TMC2: variants seen among roughly 807,000 people sequenced by gnomAD.
TMC2 encodes transmembrane channel like 2.
TMC2 carries 102 observed loss-of-function variants against 105.9 expected under a neutral mutation model. The ratio of observed to expected loss-of-function variants is 0.96; its 90% CI spans 0.82 to 1.14. TMC2 has a LOEUF of 1.14. TMC2 is among the 50% of genes most tolerant of loss of function. The pLI is 0.00. For synonymous variants in TMC2, 402 were observed against 422.8 expected (o/e 0.95, Z 0.60); for missense variants, 1,093 against 1,134.3 (o/e 0.96, Z 0.52).
chr20:2,552,438 T>C (rs186384341), intron 2 of TMC2, among the ~76,000 whole-genome samples: 47 of 152,356 alleles, frequency 3.1e-4, no homozygotes, highest in Admixed American at 2.2e-3. Context: ...TTTGAGTTCT[T>C]TGAGTTCTTT....
intron 2 of TMC2, among the ~76,000 whole-genome samples, chr20:2,541,156 T>G (rs924263353): frequency 3.9e-5 from 6 of 152,224 alleles, no homozygotes; most frequent in Non-Finnish European, 8.8e-5. Context: ...CCCCTAAGTA[T>G]GTATTAAAGA....
At chr20:2,579,387 TA>T (rs2086171538) in intron 6 of TMC2, among the ~76,000 whole-genome samples, 160 bp downstream of exon 6, 6 of 126,718 alleles carry the variant, frequency 4.7e-5, no homozygotes, top group Admixed American at 7.3e-5. Context: ...ATTTATTTTT[TA>T]TTTATTTATT....
At chr20:2,573,588 T>C (rs1328063848) in intron 5 of TMC2, among the ~76,000 whole-genome samples, 2 of 142,476 alleles carry the variant, frequency 1.4e-5, no homozygotes, top group Admixed American at 7.2e-5. Flanking sequence ...TGAGACGGAG[T>C]CTCACTCTGT....
At chr20:2,545,241 G>A (rs773483819) in intron 2 of TMC2, among the ~76,000 whole-genome samples, 10 of 152,026 alleles carry the variant, frequency 6.6e-5, no homozygotes, top group Non-Finnish European at 1.2e-4. Context: ...ATAAAGGCAT[G>A]CATACATACA....
chr20:2,616,974 C>T lies in TMC2; in HGVS notation c.1941-98C>T, dbSNP rs2086487058. 1 of 1,452,830 alleles carries T rather than the reference C, an allele frequency of 6.9e-7. No homozygotes were observed. Among genetic ancestry groups the T allele is most frequent in the African/African-American group, 1.4e-5 (1 of 71,766 alleles). The allele number at this position is 1,452,830 out of a possible 1,614,324, so 90.0% of individuals were successfully genotyped here. A position where few individuals can be genotyped will look rare whatever the true frequency, so the allele number is the denominator to read the frequency against. On this transcript the variant is annotated intron_variant, in intron 15 of 19. Coordinates refer to ENST00000358864, the MANE Select transcript of TMC2 (RefSeq NM_080751.3). The surrounding 1 kb of genome is among the most constrained non-coding windows in gnomAD (Gnocchi z 4.8). ...GGACTTGCCAGGAAAGCAGCTCGGC[C>T]TCATGCCCCTAACCCATCCGTCCCA...
At chr20:2,587,544 T>G (rs1386946373) in intron 7 of TMC2, among the ~76,000 whole-genome samples, 4 of 151,744 alleles carry the variant, frequency 2.6e-5, no homozygotes, top group Non-Finnish European at 5.9e-5. Context: ...TTTTTTATTA[T>G]TCTCTTGAAG....
Position 2,642,155 on chromosome 20 carries a change from G to A in TMC2, c.*804G>A, listed in dbSNP as rs1257914345. ...CCAACACTTTAAGAGGCTGAAGTGG[G>A]AGGCCAGGGGTTTCAGATGAGCCTG... On this transcript the variant is annotated 3_prime_UTR_variant, in exon 20 of 20. Coordinates refer to ENST00000358864, the MANE Select transcript of TMC2 (RefSeq NM_080751.3). Among the ~76,000 whole-genome samples the A allele has an allele frequency of 6.6e-6, 1 of 152,208 alleles. No individual in the cohort carries two copies. Among genetic ancestry groups the A allele is most frequent in the East Asian group, 1.9e-4 (1 of 5,198 alleles).
chr20:2,575,956 C>A (rs2086141450), intron 5 of TMC2, among the ~76,000 whole-genome samples: 2 of 152,080 alleles, frequency 1.3e-5, no homozygotes, highest in South Asian at 4.2e-4. Flanking sequence ...CTTTAGAAGC[C>A]ATATTTATTG....
chr20:2,541,416 G>T (rs934716912), intron 2 of TMC2, among the ~76,000 whole-genome samples: 1 of 152,102 alleles, frequency 6.6e-6, no homozygotes, highest in Admixed American at 6.6e-5. Flanking sequence ...CGAGGCAGGC[G>T]GATTAATTAA....
intron 18 of TMC2, among the ~76,000 whole-genome samples, chr20:2,636,445 T>G (rs1484473329): frequency 6.9e-6 from 1 of 143,918 alleles, no homozygotes; most frequent in Non-Finnish European, 1.5e-5. Flanking sequence ...GACACCCTAC[T>G]TCTGACTGCT....
chr20:2,598,887 C>T (rs1287607500), intron 10 of TMC2, among the ~76,000 whole-genome samples: 1 of 151,704 alleles, frequency 6.6e-6, no homozygotes, highest in African/African-American at 2.4e-5. Context: ...AAACACAGTT[C>T]CATGAGATAA....
At chr20:2,543,478 T>C (rs2085904541) in intron 2 of TMC2, among the ~76,000 whole-genome samples, 1 of 152,172 alleles carries the variant, frequency 6.6e-6, no homozygotes, top group Non-Finnish European at 1.5e-5. Flanking sequence ...CACAACATAA[T>C]AGTCCACAAT....
chr20:2,542,229 G>A lies in TMC2; in HGVS notation c.82+4913G>A, dbSNP rs188235876. Reference sequence around the variant, plus strand: ...CTCAAGGAGGTGGTTAGAATTTGGGGCTTATATACTATCTTAGAGGTATAT... The same window carrying A: ...CTCAAGGAGGTGGTTAGAATTTGGGACTTATATACTATCTTAGAGGTATAT... On this transcript the variant is annotated intron_variant, in intron 2 of 19. Transcript: ENST00000358864. Among the ~76,000 whole-genome samples the A allele has an allele frequency of 5.1e-3, 772 of 152,282 alleles. 3 individuals are homozygous for A. Among genetic ancestry groups the A allele is most frequent in the Non-Finnish European group, 8.9e-3 (604 of 68,034 alleles).
intron 2 of TMC2, among the ~76,000 whole-genome samples, chr20:2,541,146 C>T (rs1023562520): frequency 1.3e-5 from 2 of 152,172 alleles, no homozygotes; most frequent in East Asian, 1.9e-4. Context: ...TTCAGAGTAG[C>T]CCCTAAGTAT....
chr20:2,558,547 G>A lies in TMC2; in HGVS notation c.174G>A (p.Glu58=), dbSNP rs1308119798. ...GCGGAGCTCAGCGAAGCCAGAAGGA[G>A]CGCGCCGGGGGCAGCCCAAGCCCGG... ...GRRGAQRSQK[E]RAGGSPSPGS... is the part of the protein sequence containing the mutation. The change falls in exon 3 of 20, where the codon GAG becomes GAA. Residue 58 remains glutamate (E), a synonymous_variant. Coordinates refer to ENST00000358864, the MANE Select transcript of TMC2 (RefSeq NM_080751.3). This position sits in a 1 kb window ranked among gnomAD's most constrained non-coding sequence, Gnocchi z 4.6. 63 of 1,553,198 alleles carry A rather than the reference G, an allele frequency of 4.1e-5. No homozygotes were observed. The highest frequency in any genetic ancestry group is 5.4e-5 in the Non-Finnish European group (62 of 1,148,198).
chr20:2,597,165 C>T lies in TMC2; in HGVS notation c.1091C>T (p.Thr364Ile). 2 of 1,614,004 alleles carry T rather than the reference C, an allele frequency of 1.2e-6. No individual in the cohort carries two copies. Among genetic ancestry groups the T allele is most frequent in the Non-Finnish European group, 1.7e-6 (2 of 1,179,940 alleles). Residue 364 changes from threonine to isoleucine, a missense_variant, in exon 10 of 20, where the codon ACC becomes ATC. Coordinates refer to ENST00000358864, the MANE Select transcript of TMC2 (RefSeq NM_080751.3). Reference sequence around the variant, plus strand: ...GTGCCCTACAGGATGGCCAGCAATACCCAAGGAAGCACAGGCGAAGGGGAG... The same window carrying T: ...GTGCCCTACAGGATGGCCAGCAATATCCAAGGAAGCACAGGCGAAGGGGAG... Reference protein sequence around the residue: ...IIVIRSMASNTQGSTGEGESD... With the variant: ...IIVIRSMASNIQGSTGEGESD...
chr20:2,538,386 T>G (rs1352025095), intron 2 of TMC2, among the ~76,000 whole-genome samples: 1 of 152,074 alleles, frequency 6.6e-6, no homozygotes, highest in Non-Finnish European at 1.5e-5. Flanking sequence ...TTTATCTCAA[T>G]CCAAAGATGA....
At chr20:2,603,879 G>A (rs533071012) in intron 11 of TMC2, among the ~76,000 whole-genome samples, 17 of 151,980 alleles carry the variant, frequency 1.1e-4, no homozygotes, top group African/African-American at 4.1e-4. Flanking sequence ...GGTTCCTGCA[G>A]CCTTGATGTG....
At chr20:2,600,980 G>C (rs2086347016) in intron 10 of TMC2, among the ~76,000 whole-genome samples, 2 of 101,874 alleles carry the variant, frequency 2.0e-5, no homozygotes, top group Admixed American at 2.7e-4. Flanking sequence ...CAGCAAGACT[G>C]TCTCAGAAAA....
Sources: allele counts gnomAD v4.1 joint callset (sites outside exome capture counted in the v4.1 genomes callset), GRCh38; gene constraint gnomAD v4.1.1; non-coding constraint Gnocchi (gnomAD v3.1); transcripts MANE v1.5; gene names NCBI Gene and HGNC (gene_info 2026-07-23, HGNC 2026-07-21).